Variants in CTNND2 observed in about 807,000 individuals in gnomAD.
CTNND2 encodes the protein catenin delta-2.
Under a neutral mutation model 144.4 loss-of-function variants are expected in CTNND2, and 22 were observed. The ratio of observed to expected loss-of-function variants is 0.15; its 90% CI spans 0.11 to 0.22. The LOEUF is 0.22. CTNND2 is among the 10% of genes least tolerant of loss of function. The pLI, the probability that CTNND2 is intolerant of heterozygous loss-of-function variation, is 1.00. For synonymous variants in CTNND2, 751 were observed against 695.6 expected, an observed-to-expected ratio of 1.08 and a Z score of -1.25; for missense variants, 1,353 against 1,618.8, an observed-to-expected ratio of 0.84 and a Z score of 2.82.
intron 9 of CTNND2, among the ~76,000 whole-genome samples, chr5:11,325,988 C>A (rs892880335): frequency 1.2e-4 from 18 of 152,182 alleles, no homozygotes; most frequent in African/African-American, 2.9e-4. Context: ...GTCTCCACCA[C>A]AAAGTGAACA....
chr5:11,518,578 C>T (rs940708486), intron 3 of CTNND2, among the ~76,000 whole-genome samples: 1 of 152,212 alleles, frequency 6.6e-6, no homozygotes, highest in Non-Finnish European at 1.5e-5. Context: ...CAGCGACTTC[C>T]AGTCCTGCAA....
intron 15 of CTNND2, among the ~76,000 whole-genome samples, chr5:11,089,397 C>T (rs538549219): frequency 6.2e-4 from 94 of 152,296 alleles, no homozygotes; most frequent in African/African-American, 2.0e-3. Context: ...GGCCCTGTGC[C>T]GGCACATACT....
chr5:11,654,321 G>T (rs1782801509), intron 2 of CTNND2, among the ~76,000 whole-genome samples: 1 of 151,976 alleles, frequency 6.6e-6, no homozygotes, highest in African/African-American at 2.4e-5. Flanking sequence ...GATCACTTTG[G>T]GTAGTGTGGA....
intron 8 of CTNND2, among the ~76,000 whole-genome samples, chr5:11,347,066 T>C (rs1325943059): frequency 6.6e-6 from 1 of 152,198 alleles, no homozygotes; most frequent in African/African-American, 2.4e-5. Flanking sequence ...ATGTAATTAG[T>C]AATGTAGTTA....
chr5:11,083,987 T>G, intron 15 of CTNND2: 1 of 1,062,576 alleles, frequency 9.4e-7, no homozygotes, highest in Non-Finnish European at 1.2e-6. Flanking sequence ...AAAAACAACT[T>G]CATCCTGTCC....
At chr5:11,588,946 A>G in intron 2 of CTNND2, 1 of 985,400 alleles carries the variant, frequency 1.0e-6, no homozygotes, top group Non-Finnish European at 1.2e-6. Flanking sequence ...CCGAGAAGGG[A>G]GTGAAGAACA....
intron 3 of CTNND2, among the ~76,000 whole-genome samples, chr5:11,413,259 CAA>C (rs1761685930): frequency 1.3e-5 from 2 of 152,052 alleles, no homozygotes; most frequent in South Asian, 4.2e-4. Flanking sequence ...CATATAACTA[CAA>C]AGTTTAGCCC....
At chr5:11,597,123 C>T (rs905979062) in intron 2 of CTNND2, among the ~76,000 whole-genome samples, 3 of 152,116 alleles carry the variant, frequency 2.0e-5, no homozygotes, top group Non-Finnish European at 4.4e-5. Context: ...CAACAGGCTC[C>T]GTGACTTATC....
chr5:11,358,225 G>A (rs1160239985), intron 8 of CTNND2, among the ~76,000 whole-genome samples: 1 of 152,112 alleles, frequency 6.6e-6, no homozygotes, highest in Non-Finnish European at 1.5e-5. Flanking sequence ...TGATCTATTT[G>A]TACAAAAGTA....
At chr5:11,445,450 C>T (rs1419022407) in intron 3 of CTNND2, among the ~76,000 whole-genome samples, 3 of 152,110 alleles carry the variant, frequency 2.0e-5, no homozygotes, top group Non-Finnish European at 2.9e-5. Flanking sequence ...TGGAACTAAA[C>T]GGTGGGTTGA....
intron 1 of CTNND2, among the ~76,000 whole-genome samples, chr5:11,751,698 G>A (rs1304285518): frequency 1.3e-5 from 2 of 150,650 alleles, no homozygotes; most frequent in African/African-American, 4.9e-5. Context: ...TGAATATGGT[G>A]TAATGATTTA....
intron 1 of CTNND2, among the ~76,000 whole-genome samples, chr5:11,771,515 A>G (rs1206229188): frequency 6.6e-6 from 1 of 152,226 alleles, no homozygotes; most frequent in Admixed American, 6.5e-5. Context: ...GAGAAAAGTC[A>G]ATGTTAAAGG....
chr5:11,408,873 C>A (rs1190392491), intron 5 of CTNND2, among the ~76,000 whole-genome samples: 1 of 151,988 alleles, frequency 6.6e-6, no homozygotes, highest in Non-Finnish European at 1.5e-5. Context: ...AAAATATCAT[C>A]TATTTATCCC....
At chr5:11,536,198 G>A (rs1242274408) in intron 3 of CTNND2, among the ~76,000 whole-genome samples, 4 of 152,066 alleles carry the variant, frequency 2.6e-5, no homozygotes, top group African/African-American at 9.7e-5. Context: ...CACGTATCTA[G>A]GACTATAAGC....
In CTNND2 at chr5:11,544,564, A is replaced by AAATTGTGTT. The variant is rs751938605; in HGVS notation, c.287+20371_287+20379dup. The stretch of plus-strand genomic sequence containing the variant: ...TGCATCAACTGGTAAATGAATATGC[A>AAATTGTGTT]AATTGTGTTACATCCTCACAGTGGA... On this transcript the variant is annotated intron_variant, in intron 3 of 21. Coordinates refer to ENST00000304623, the MANE Select transcript of CTNND2 (RefSeq NM_001332.4). Among the ~76,000 whole-genome samples, 109 of 152,406 alleles carry AAATTGTGTT rather than the reference A, an allele frequency of 7.2e-4. 1 individual carries two copies. The Middle Eastern group carries it at 0.017, about 24-fold the overall frequency.
chr5:11,805,314 T>G (rs1791931914), intron 1 of CTNND2, among the ~76,000 whole-genome samples: 2 of 152,118 alleles, frequency 1.3e-5, no homozygotes, highest in Non-Finnish European at 2.9e-5. Context: ...TAGTATACAC[T>G]CATATATTTA....
At chr5:11,155,725 C>A (rs1758160040) in intron 12 of CTNND2, among the ~76,000 whole-genome samples, 1 of 151,898 alleles carries the variant, frequency 6.6e-6, no homozygotes, top group African/African-American at 2.4e-5. Context: ...GCTTTTTTTT[C>A]CCCACTTCTA....
Position 11,265,571 on chromosome 5 carries a change from T to C in CTNND2, c.1629-28748A>G, listed in dbSNP as rs112880009. Among the ~76,000 whole-genome samples, 1,089 of 152,198 alleles carry C rather than the reference T, an allele frequency of 7.2e-3. 11 individuals are homozygous for C. Among genetic ancestry groups the C allele is most frequent in the African/African-American group, 0.025 (1,018 of 41,542 alleles). ...TTTGCTGAATCTTTTATTCCCTTAA[T>C]ACAAAAGTACTCCAAACACTCTAGG... On this transcript the variant is annotated intron_variant, in intron 9 of 21. Transcript: ENST00000304623.
At chr5:11,661,187 A>G (rs931523002) in intron 2 of CTNND2, among the ~76,000 whole-genome samples, 1 of 152,310 alleles carries the variant, frequency 6.6e-6, no homozygotes, top group South Asian at 2.1e-4. Context: ...AAACTTTATT[A>G]AATTAATTTT....
Sources: gnomAD v4.1 joint callset for allele counts (sites outside exome capture counted in the v4.1 genomes callset) on GRCh38, gnomAD v4.1.1 for gene constraint, MANE v1.5 for transcripts, NCBI Gene and HGNC (gene_info 2026-07-23, HGNC 2026-07-21) for gene names.